The following DHRSX variants were observed in gnomAD, a reference collection of about 807,000 sequenced individuals.
DHRSX encodes dehydrogenase/reductase X-linked, also known as polyprenol dehydrogenase.
In DHRSX, 31 loss-of-function variants were observed where a neutral mutation model predicts 34.0. That is an observed-to-expected ratio of 0.91 (90% CI 0.69 to 1.23). The LOEUF is 1.23. Among genes scored for constraint, DHRSX ranks in the 50% most tolerant of loss-of-function variants. The pLI is 0.00. For synonymous variants in DHRSX, 201 were observed against 183.8 expected (o/e 1.09, Z -0.76); for missense variants, 414 against 428.1 (o/e 0.97, Z 0.29).
chrX:2,233,991 G>C (rs1002240718), intron 6 of DHRSX, among the ~76,000 whole-genome samples: 1 of 152,130 alleles, frequency 6.6e-6, no homozygotes, highest in Non-Finnish European at 1.5e-5. Context: ...AAAAATGAGA[G>C]GCATAGCAGG....
intron 1 of DHRSX, among the ~76,000 whole-genome samples, chrX:2,483,014 C>T (rs905343874): frequency 7.2e-5 from 11 of 152,084 alleles, no homozygotes; most frequent in Non-Finnish European, 1.2e-4. Context: ...TACTAGCTCA[C>T]GTAAATTAGG....
chrX:2,352,376 C>A (rs907176836), intron 3 of DHRSX, among the ~76,000 whole-genome samples: 1 of 152,078 alleles, frequency 6.6e-6, no homozygotes, highest in African/African-American at 2.4e-5. Flanking sequence ...TATGGTTAAA[C>A]TAAAACTCCT....
chrX:2,379,290 A>G lies in DHRSX; in HGVS notation c.286+29455T>C, dbSNP rs143234847. ...CACAAGACCATATATCACCAACACC[A>G]TTAATTCTTCCTTCTACATGATAAG... On this transcript the variant is annotated intron_variant, in intron 3 of 6. Coordinates refer to ENST00000334651, the MANE Select transcript of DHRSX (RefSeq NM_145177.3). Among the ~76,000 whole-genome samples the G allele has an allele frequency of 8.6e-3, 1,316 of 152,326 alleles. 18 individuals are homozygous for G. Among genetic ancestry groups the G allele is most frequent in the African/African-American group, 0.029 (1,206 of 41,578 alleles).
At chrX:2,373,050 C>T (rs1259471596) in intron 3 of DHRSX, among the ~76,000 whole-genome samples, 1 of 152,160 alleles carries the variant, frequency 6.6e-6, no homozygotes, top group Admixed American at 6.5e-5. Context: ...CACAGTTCCA[C>T]GGGGTTGGGG....
chrX:2,291,446 G>T, intron 4 of DHRSX, 56 bp downstream of exon 4: 1 of 1,347,006 alleles, frequency 7.4e-7, no homozygotes, highest in Non-Finnish European at 1.1e-6. Context: ...GAAAGCTAGA[G>T]TTCCTGTTTG....
chrX:2,420,954 T>C (rs1372795663), intron 2 of DHRSX, among the ~76,000 whole-genome samples: 3 of 152,220 alleles, frequency 2.0e-5, no homozygotes, highest in Non-Finnish European at 4.4e-5. Flanking sequence ...AAACACGATG[T>C]TATCATTATC....
intron 3 of DHRSX, among the ~76,000 whole-genome samples, chrX:2,355,767 T>C (rs1049194721): frequency 1.3e-5 from 2 of 151,818 alleles, no homozygotes; most frequent in Admixed American, 6.6e-5. Context: ...AAGATCAAAA[T>C]CAAGAATGAG....
At chrX:2,284,145 CATTCATTCCTTTGA>C (rs1183080530) in intron 4 of DHRSX, among the ~76,000 whole-genome samples, 14 of 152,206 alleles carry the variant, frequency 9.2e-5, no homozygotes, top group Admixed American at 3.3e-4. Context: ...TGAATTCATT[CATTCATTCCTTTGA>C]ATTCATTCCT....
Position 2,286,829 on chromosome X carries a change from G to A in DHRSX, c.388+4673C>T, listed in dbSNP as rs758575184. 5.3e-5 allele frequency among the ~76,000 whole-genome samples: 8 copies of A among 152,298 alleles called. No individual in the cohort carries two copies. The South Asian group carries it at 1.4e-3, about 28-fold the overall frequency. On this transcript the variant is annotated intron_variant, in intron 4 of 6. Transcript: ENST00000334651. Reference sequence around the variant, plus strand: ...CAGCCTGAGCAACCTCTTGAAAGATGTAGAACAAAAAGATAAAAGGAAGAA... The same window carrying A: ...CAGCCTGAGCAACCTCTTGAAAGATATAGAACAAAAAGATAAAAGGAAGAA...
chrX:2,232,855 A>G (rs1468243389), intron 6 of DHRSX, among the ~76,000 whole-genome samples: 2 of 152,022 alleles, frequency 1.3e-5, no homozygotes, highest in Non-Finnish European at 2.9e-5. Context: ...TACAGGCATG[A>G]GCCATCGTGC....
intron 3 of DHRSX, among the ~76,000 whole-genome samples, chrX:2,348,728 C>T (rs2042750777): frequency 6.6e-6 from 1 of 151,194 alleles, no homozygotes; most frequent in Admixed American, 6.6e-5. Flanking sequence ...TTGAGAGAGC[C>T]TGTTGCCCAG....
At chrX:2,361,168 T>C (rs1388835598) in intron 3 of DHRSX, among the ~76,000 whole-genome samples, 1 of 152,152 alleles carries the variant, frequency 6.6e-6, no homozygotes, top group Non-Finnish European at 1.5e-5. Context: ...TGGAGTGCAG[T>C]GGTGCGATCT....
intron 2 of DHRSX, among the ~76,000 whole-genome samples, chrX:2,417,648 T>C (rs1048117342): frequency 3.3e-5 from 5 of 151,306 alleles, no homozygotes; most frequent in African/African-American, 9.7e-5. Flanking sequence ...CTAGAACTCA[T>C]TGAGTCTTAA....
intron 3 of DHRSX, among the ~76,000 whole-genome samples, chrX:2,402,008 GA>G (rs1472774943): frequency 2.0e-5 from 3 of 152,146 alleles, no homozygotes; most frequent in Non-Finnish European, 4.4e-5. Flanking sequence ...TTCAAAGACA[GA>G]AAGTACAACA....
chrX:2,265,340 T>C (rs2041436606), intron 5 of DHRSX, among the ~76,000 whole-genome samples: 1 of 59,696 alleles, frequency 1.7e-5, no homozygotes, highest in East Asian at 5.3e-4. Context: ...CAGGGAGCAC[T>C]GTCCCCAGAG....
intron 2 of DHRSX, among the ~76,000 whole-genome samples, chrX:2,411,570 A>G (rs1440715741): frequency 1.3e-5 from 2 of 148,268 alleles, no homozygotes; most frequent in Non-Finnish European, 3.0e-5. Context: ...AAAAAAAAAA[A>G]AAAAAAGTTA....
intron 1 of DHRSX, 26 bp from the exon 2 acceptor site, chrX:2,425,330 C>T: frequency 6.3e-7 from 1 of 1,580,326 alleles, no homozygotes; most frequent in Non-Finnish European, 8.7e-7. Flanking sequence ...AGAAAATCAT[C>T]AAACTAAGAT....
intron 3 of DHRSX, among the ~76,000 whole-genome samples, chrX:2,355,203 A>C (rs1014302247): frequency 6.6e-6 from 1 of 152,068 alleles, no homozygotes; most frequent in Non-Finnish European, 1.5e-5. Context: ...TAGAAACGAA[A>C]AGAAAGTCAG....
chrX:2,314,859 G>GA (rs1320557520), intron 3 of DHRSX, among the ~76,000 whole-genome samples: 3 of 152,064 alleles, frequency 2.0e-5, no homozygotes, highest in Admixed American at 2.0e-4. Context: ...GGAAGTCATT[G>GA]AAAAGATTGG....
Sources: allele counts gnomAD v4.1 joint callset (sites outside exome capture counted in the v4.1 genomes callset), GRCh38; gene constraint gnomAD v4.1.1; transcripts MANE v1.5; gene names NCBI Gene and HGNC (gene_info 2026-07-23, HGNC 2026-07-21).